DEPDC4: variants seen among roughly 807,000 people sequenced by gnomAD.
DEPDC4 encodes DEP domain-containing protein 4.
In DEPDC4, 52 loss-of-function variants were observed where a neutral mutation model predicts 52.0. The ratio of observed to expected loss-of-function variants is 1.00; its 90% CI spans 0.80 to 1.26. The LOEUF is 1.26. Ranked by LOEUF, DEPDC4 falls within the 50% of genes most tolerant of loss-of-function variation. The pLI is 0.00. For missense variants in DEPDC4, 530 were observed against 546.9 expected, an observed-to-expected ratio of 0.97 and a Z score of 0.31; for synonymous variants, 201 against 196.8, an observed-to-expected ratio of 1.02 and a Z score of -0.18.
rs149476251 is a variant in DEPDC4 at position 100,247,290 on chromosome 12, C to A, written c.1453+1610G>T. ...GTGGCATGATCTTGGCTCACTGCAA[C>A]CTCCGCCTCCTGGGTTCAAGTGATT... On this transcript the variant is annotated intron_variant, in intron 8 of 9. Coordinates refer to ENST00000550587, the MANE Select transcript of DEPDC4 (RefSeq NM_001364818.2). Among the ~76,000 whole-genome samples the A allele has an allele frequency of 4.8e-3, 673 of 140,110 alleles. 6 individuals carry two copies. The highest frequency in any genetic ancestry group is 0.017 in the African/African-American group (625 of 37,266). 91.9% of individuals were successfully genotyped at this position (140,110 alleles called of 152,430 possible).
chr12:100,260,779 C>G (rs1021342789), intron 3 of DEPDC4, among the ~76,000 whole-genome samples: 4 of 152,066 alleles, frequency 2.6e-5, no homozygotes, highest in African/African-American at 9.7e-5. Context: ...GCCTATAGTT[C>G]CAACTACTCT....
intron 1 of DEPDC4, among the ~76,000 whole-genome samples, chr12:100,265,321 C>T (rs187649074): frequency 1.0e-3 from 147 of 140,976 alleles, no homozygotes; most frequent in Non-Finnish European, 1.7e-3. Flanking sequence ...GTTGGCCAGG[C>T]GCAGTGGCTT....
At chr12:100,255,252 C>G (rs1035717593) in intron 4 of DEPDC4, among the ~76,000 whole-genome samples, 2 of 152,206 alleles carry the variant, frequency 1.3e-5, no homozygotes, top group Non-Finnish European at 2.9e-5. Context: ...TCTGGTGTCC[C>G]TATACTATCC....
chr12:100,279,939 A>G, the DEPDC4 span, among the ~76,000 whole-genome samples: 11 of 152,296 alleles, frequency 7.2e-5, no homozygotes, highest in South Asian at 1.7e-3. Context: ...TCACTTTGAA[A>G]TTGTATCTCA....
upstream of DEPDC4, among the ~76,000 whole-genome samples, chr12:100,271,024 A>C (rs1457167628): frequency 6.6e-6 from 1 of 151,668 alleles, no homozygotes; most frequent in Non-Finnish European, 1.5e-5. Context: ...ATAATTAGAT[A>C]CTCTTTGTAA....
At chr12:100,233,925 C>T (rs1421656326) in intron 9 of DEPDC4, among the ~76,000 whole-genome samples, 1 of 151,942 alleles carries the variant, frequency 6.6e-6, no homozygotes, top group East Asian at 1.9e-4. Context: ...TGAGCTTGGG[C>T]TACATGGCGA....
intron 1 of DEPDC4, among the ~76,000 whole-genome samples, chr12:100,266,438 T>A (rs533441288): frequency 1.1e-4 from 16 of 152,084 alleles, no homozygotes; most frequent in African/African-American, 3.9e-4. Context: ...AATACAGCGG[T>A]ACAGCCTGTT....
intron 5 of DEPDC4, among the ~76,000 whole-genome samples, chr12:100,253,229 CT>C (rs2096216223): frequency 6.6e-6 from 1 of 152,144 alleles, no homozygotes; most frequent in Admixed American, 6.6e-5. Context: ...TATCATGTTT[CT>C]TAGAATGTCC....
intron 9 of DEPDC4, among the ~76,000 whole-genome samples, chr12:100,233,070 C>T (rs1352690717): frequency 2.6e-5 from 4 of 152,116 alleles, no homozygotes; most frequent in Admixed American, 1.3e-4. Context: ...TTCAAAACAA[C>T]GAGTAAACTG....
the DEPDC4 span, among the ~76,000 whole-genome samples, chr12:100,272,750 T>G: frequency 1.3e-5 from 2 of 152,296 alleles, no homozygotes; most frequent in East Asian, 3.9e-4. Flanking sequence ...TTCTCTTGGT[T>G]TTAACTTGTT....
At chr12:100,266,571 C>G (rs2096274374) in intron 1 of DEPDC4, among the ~76,000 whole-genome samples, 1 of 152,158 alleles carries the variant, frequency 6.6e-6, no homozygotes, top group Non-Finnish European at 1.5e-5. Context: ...TAAGTGTAGC[C>G]TAGGGACCAG....
the DEPDC4 span, among the ~76,000 whole-genome samples, chr12:100,273,964 G>A: frequency 1.3e-5 from 2 of 152,270 alleles, no homozygotes; most frequent in African/African-American, 2.4e-5. Context: ...ATAGAATTTT[G>A]TATCCTTTCA....
Position 100,263,851 on chromosome 12 carries a change from A to G in DEPDC4, c.200T>C (p.Ile67Thr), listed in dbSNP as rs769354353. Residue 67 changes from isoleucine to threonine, a missense_variant, in exon 2 of 10, where the codon ATT becomes ACT. Physicochemically the swap from Ile to Thr is moderately conservative, Grantham distance 89. Transcript: ENST00000550587. The stretch of plus-strand genomic sequence containing the variant: ...CACTTGGGCCTGAAGAGAGTGAATA[A>G]TACCATCCCATAGCTGAGTAGCTTG... ...PFQATQLWDG[I>T]IHSLQAQVEI... The G allele has an allele frequency of 1.2e-5, 20 of 1,613,862 alleles. No individual in the cohort carries two copies. The highest frequency in any genetic ancestry group is 1.6e-4 in the Middle Eastern group (1 of 6,080).
intron 3 of DEPDC4, chr12:100,261,871 G>C: frequency 2.2e-6 from 1 of 444,782 alleles, no homozygotes; most frequent in South Asian, 1.6e-5. Flanking sequence ...GGTTGCCTAA[G>C]GTTAGAGAGA....
At chr12:100,250,009 GCCCC>G (rs1479397302) in intron 7 of DEPDC4, among the ~76,000 whole-genome samples, 1 of 152,146 alleles carries the variant, frequency 6.6e-6, no homozygotes, top group Non-Finnish European at 1.5e-5. Context: ...CACAGGGACA[GCCCC>G]GTAACAGGAA....
At chr12:100,267,176 T>G, upstream of DEPDC4, 1 of 1,342,372 alleles carries the variant, frequency 7.4e-7, no homozygotes, top group Non-Finnish European at 1.0e-6. Context: ...GCAGGTCTTT[T>G]AGTCTTTTTC....
upstream of DEPDC4, chr12:100,267,187 C>T: frequency 4.1e-6 from 5 of 1,212,978 alleles, no homozygotes; most frequent in Admixed American, 2.2e-5. Flanking sequence ...AGTCTTTTTC[C>T]CCCTCCCTTA....
chr12:100,266,786 G>T, intron 1 of DEPDC4, 134 bp downstream of exon 1: 1 of 1,229,484 alleles, frequency 8.1e-7, no homozygotes, highest in Non-Finnish European at 1.1e-6. Flanking sequence ...CCAGTGCCTG[G>T]TAGGGCAGGA....
the DEPDC4 span, among the ~76,000 whole-genome samples, chr12:100,273,124 T>C: frequency 6.6e-6 from 1 of 152,132 alleles, no homozygotes; most frequent in Non-Finnish European, 1.5e-5. Context: ...TACTGATGCC[T>C]GAAACCCTTC....
Sources: gnomAD v4.1 joint callset for allele counts (sites outside exome capture counted in the v4.1 genomes callset) on GRCh38, gnomAD v4.1.1 for gene constraint, MANE v1.5 for transcripts, NCBI Gene and HGNC (gene_info 2026-07-23, HGNC 2026-07-21) for gene names.